MTPN: variants seen among roughly 807,000 people sequenced by gnomAD.
MTPN encodes myotrophin, also known as granule cell differentiation protein.
In MTPN, 2 loss-of-function variants were observed where a neutral mutation model predicts 13.5. The ratio of observed to expected loss-of-function variants is 0.15; its 90% CI spans 0.06 to 0.47. The LOEUF (loss-of-function observed/expected upper bound fraction) is 0.47. Among genes scored for constraint, MTPN ranks in the 20% least tolerant of loss-of-function variants. The probability of loss-of-function intolerance (pLI) is 0.97; values close to 1 mark genes in which losing one functional copy is unlikely to be tolerated. For synonymous variants in MTPN, 46 were observed against 51.7 expected, an observed-to-expected ratio of 0.89 and a Z score of 0.48; for missense variants, 79 against 137.9, an observed-to-expected ratio of 0.57 and a Z score of 2.14.
intron 3 of MTPN, among the ~76,000 whole-genome samples, chr7:135,936,261 G>C (rs1799113375): frequency 6.6e-6 from 1 of 152,214 alleles, no homozygotes; most frequent in Non-Finnish European, 1.5e-5. Flanking sequence ...AGGGTGGGCA[G>C]ATCACCTGAG....
At chr7:135,966,644 C>T (rs551973798) in intron 1 of MTPN, among the ~76,000 whole-genome samples, 3 of 152,236 alleles carry the variant, frequency 2.0e-5, no homozygotes, top group Admixed American at 6.5e-5. Context: ...CACATAACGA[C>T]TTCTGCTGTT....
intron 3 of MTPN, among the ~76,000 whole-genome samples, chr7:135,930,378 A>G (rs1374159315): frequency 4.6e-5 from 7 of 152,212 alleles, no homozygotes; most frequent in Admixed American, 2.0e-4. Flanking sequence ...TCACTTTGCT[A>G]AAGTATTCCT....
At chr7:135,937,636 T>C (rs1414931100) in intron 3 of MTPN, among the ~76,000 whole-genome samples, 1 of 152,194 alleles carries the variant, frequency 6.6e-6, no homozygotes, top group African/African-American at 2.4e-5. Context: ...TAAATACACT[T>C]GACCCTTGAA....
At chr7:135,972,224 C>CGT (rs1491266886) in intron 1 of MTPN, among the ~76,000 whole-genome samples, 1 of 112,650 alleles carries the variant, frequency 8.9e-6, no homozygotes, top group African/African-American at 3.8e-5. Flanking sequence ...CACACGCGCA[C>CGT]GCGCGCGCAC....
At chr7:135,946,147 A>G (rs925055049) in intron 3 of MTPN, among the ~76,000 whole-genome samples, 2 of 152,206 alleles carry the variant, frequency 1.3e-5, no homozygotes, top group African/African-American at 4.8e-5. Context: ...CCATCAGCTA[A>G]TACTATTCAA....
At chr7:135,943,017 A>C (rs1799237861) in intron 3 of MTPN, among the ~76,000 whole-genome samples, 1 of 152,230 alleles carries the variant, frequency 6.6e-6, no homozygotes, top group Non-Finnish European at 1.5e-5. Flanking sequence ...AATCTTGTAG[A>C]TATATCACTC....
chr7:135,960,243 T>C (rs1006798868), intron 1 of MTPN, among the ~76,000 whole-genome samples: 1 of 152,088 alleles, frequency 6.6e-6, no homozygotes, highest in African/African-American at 2.4e-5. Context: ...GAAAAGGAGA[T>C]GTAAGGGGTC....
In MTPN at chr7:135,950,811, CA is replaced by C. The variant is rs916420533; in HGVS notation, c.187-130del. 20 of 728,290 alleles carry C rather than the reference CA, an allele frequency of 2.7e-5. No homozygotes were observed. In the African/African-American group the frequency reaches 3.6e-4, roughly 13 times the overall value. 45.1% of individuals were successfully genotyped at this position (728,290 alleles called of 1,614,324 possible). On this transcript the variant is annotated intron_variant, in intron 2 of 3. Coordinates refer to ENST00000393085, the MANE Select transcript of MTPN (RefSeq NM_145808.4). ...GAAAATCAATCAATCAATCAATCCA[CA>C]GAGTCAAGTGTCTAGTCTCTTAAAG...
At chr7:135,936,312 C>T (rs984005888) in intron 3 of MTPN, among the ~76,000 whole-genome samples, 1 of 152,174 alleles carries the variant, frequency 6.6e-6, no homozygotes, top group Non-Finnish European at 1.5e-5. Flanking sequence ...TGGCGAAACC[C>T]CGTCTGTACT....
chr7:135,977,006 C>T (rs767080594), intron 1 of MTPN, 23 bp downstream of exon 1: 3 of 1,613,222 alleles, frequency 1.9e-6, no homozygotes, highest in Non-Finnish European at 2.5e-6. Flanking sequence ...GTGTTCTCGC[C>T]TACTCTTCTC....
chr7:135,955,132 C>T (rs972031401), intron 1 of MTPN, among the ~76,000 whole-genome samples: 4 of 152,198 alleles, frequency 2.6e-5, no homozygotes, highest in Non-Finnish European at 5.9e-5. Context: ...AAATCCTTGT[C>T]AGCAGGGCCT....
Position 135,927,334 on chromosome 7 carries a change from G to A in MTPN, c.*2592C>T, listed in dbSNP as rs1260409513. ...GGATATTCAAGTGCTGTATTTGAACGATAAGCCTATAGATAACAGTCTGAA... is the reference window on the plus strand; with the variant it reads ...GGATATTCAAGTGCTGTATTTGAACAATAAGCCTATAGATAACAGTCTGAA... On this transcript the variant is annotated 3_prime_UTR_variant, in exon 4 of 4. Coordinates refer to ENST00000393085, the MANE Select transcript of MTPN (RefSeq NM_145808.4). The A allele has an allele frequency of 3.9e-6, 6 of 1,551,032 alleles. No homozygotes were observed. In the African/African-American group the frequency reaches 4.1e-5, roughly 11 times the overall value.
At chr7:135,969,327 A>T (rs1584821357) in intron 1 of MTPN, among the ~76,000 whole-genome samples, 1 of 151,844 alleles carries the variant, frequency 6.6e-6, no homozygotes, top group South Asian at 2.1e-4. Context: ...ACAGATAAGA[A>T]GTTTTAAATA....
chr7:135,972,662 A>G (rs1434428048), intron 1 of MTPN, among the ~76,000 whole-genome samples: 1 of 152,198 alleles, frequency 6.6e-6, no homozygotes, highest in Non-Finnish European at 1.5e-5. Context: ...ATGAAGACAC[A>G]TGTAAACAAA....
rs766064089 is a variant in MTPN, at chr7:135,927,492, G to C, written c.*2434C>G. 7.4e-7 allele frequency: 1 copy of C among 1,352,702 alleles called. No individual in the cohort carries two copies. The highest frequency in any genetic ancestry group is 1.4e-5 in the South Asian group (1 of 73,724). The allele number at this position is 1,352,702 out of a possible 1,614,324, so 83.8% of individuals were successfully genotyped here. A position where few individuals can be genotyped will look rare whatever the true frequency, so the allele number is the denominator to read the frequency against. On this transcript the variant is annotated 3_prime_UTR_variant, in exon 4 of 4. Transcript: ENST00000393085. ...TGCAAAATTTTTTCTGAGATGTTAA[G>C]TATTACTTCAGTGGAGAACAAAACT...
chr7:135,936,694 T>G (rs1447117845), intron 3 of MTPN, among the ~76,000 whole-genome samples: 2 of 152,214 alleles, frequency 1.3e-5, no homozygotes, highest in Admixed American at 6.5e-5. Flanking sequence ...GTCCCTTTAT[T>G]GCTGACATCT....
chr7:135,930,903 C>T (rs976264700), intron 3 of MTPN, among the ~76,000 whole-genome samples: 4 of 152,042 alleles, frequency 2.6e-5, no homozygotes, highest in Non-Finnish European at 5.9e-5. Context: ...AGTCCTGACC[C>T]ACTCCCCTTG....
At position 135,929,690 on chromosome 7, in the gene MTPN, G is replaced by A. The variant is rs892492999; in HGVS notation, c.*236C>T. On this transcript the variant is annotated 3_prime_UTR_variant, in exon 4 of 4. Coordinates refer to ENST00000393085, the MANE Select transcript of MTPN (RefSeq NM_145808.4). ...TAAGGTGTATATTTTATTAGAAAGGGAAGAGGCTTACTTGATCAGGAATCC... is the reference window on the plus strand; with the variant it reads ...TAAGGTGTATATTTTATTAGAAAGGAAAGAGGCTTACTTGATCAGGAATCC... 7 of 537,488 alleles carry A rather than the reference G, an allele frequency of 1.3e-5. No homozygotes were observed. The highest frequency in any genetic ancestry group is 9.1e-5 in the South Asian group (4 of 44,126). 33.3% of individuals were successfully genotyped at this position (537,488 alleles called of 1,614,324 possible).
At chr7:135,946,588 T>C (rs1354664144) in intron 3 of MTPN, among the ~76,000 whole-genome samples, 1 of 152,214 alleles carries the variant, frequency 6.6e-6, no homozygotes, top group African/African-American at 2.4e-5. Context: ...CCATGTAGTT[T>C]GCAAAGGCAT....
Sources: allele counts gnomAD v4.1 joint callset (sites outside exome capture counted in the v4.1 genomes callset), GRCh38; gene constraint gnomAD v4.1.1; transcripts MANE v1.5; gene names NCBI Gene and HGNC (gene_info 2026-07-23, HGNC 2026-07-21).